The following MECOM variants were observed in gnomAD, a reference collection of about 807,000 sequenced individuals.
MECOM encodes MDS1 and EVI1 complex locus, also known as histone-lysine N-methyltransferase MECOM.
In MECOM, 13 loss-of-function variants were observed where a neutral mutation model predicts 116.3. The ratio of observed to expected loss-of-function variants is 0.11; its 90% confidence interval spans 0.07 to 0.18. The LOEUF (loss-of-function observed/expected upper bound fraction) is 0.18, where lower values mean the gene tolerates loss of function less well. Among genes scored for constraint, MECOM ranks in the 10% least tolerant of loss-of-function variants. The pLI, the probability that MECOM is intolerant of heterozygous loss-of-function variation, is 1.00. For synonymous variants in MECOM, 528 were observed against 535.2 expected, an observed-to-expected ratio of 0.99 and a Z score of 0.19; for missense variants, 1,299 against 1,509.0, an observed-to-expected ratio of 0.86 and a Z score of 2.31.
chr3:169,380,156 T>C (rs1046083021), intron 2 of MECOM, among the ~76,000 whole-genome samples: 2 of 152,160 alleles, frequency 1.3e-5, no homozygotes, highest in African/African-American at 4.8e-5. Flanking sequence ...ATTTAAAAGC[T>C]AACCAGATAT....
intron 10 of MECOM, among the ~76,000 whole-genome samples, chr3:169,105,970 T>C (rs1239221674): frequency 6.6e-6 from 1 of 152,160 alleles, no homozygotes; most frequent in Non-Finnish European, 1.5e-5. Context: ...TGGCAGCCAA[T>C]AATTGATGAC....
intron 2 of MECOM, among the ~76,000 whole-genome samples, chr3:169,290,787 C>T (rs185154095): frequency 1.4e-4 from 21 of 152,166 alleles, no homozygotes; most frequent in African/African-American, 4.1e-4. Context: ...AATCATTTCT[C>T]GAGTTGGGTT....
At chr3:169,282,864 T>C (rs1712399866) in intron 2 of MECOM, among the ~76,000 whole-genome samples, 1 of 151,072 alleles carries the variant, frequency 6.6e-6, no homozygotes, top group Non-Finnish European at 1.5e-5. Context: ...AAAATATGAG[T>C]GTATAACAGT....
intron 1 of MECOM, among the ~76,000 whole-genome samples, chr3:169,416,109 G>A (rs1297380804): frequency 7.2e-5 from 11 of 152,052 alleles, no homozygotes; most frequent in Admixed American, 4.6e-4. Context: ...TTCTAAAACC[G>A]ACCATATAAT....
chr3:169,445,064 A>G (rs149533973), intron 1 of MECOM, among the ~76,000 whole-genome samples: 7,245 of 152,348 alleles, frequency 0.048, 201 homozygotes, highest in South Asian at 0.066. Flanking sequence ...ATTCCATTTT[A>G]AAAGGTAAAC....
At chr3:169,136,775 A>C (rs960048357) in intron 3 of MECOM, among the ~76,000 whole-genome samples, 1 of 152,064 alleles carries the variant, frequency 6.6e-6, no homozygotes, top group Non-Finnish European at 1.5e-5. Flanking sequence ...TCTGCACACA[A>C]GGGGGAAAAT....
rs573566941 is a variant in MECOM, at chr3:169,180,031, AT to A, written c.376-36200del. 5.9e-5 allele frequency among the ~76,000 whole-genome samples: 9 copies of A among 152,192 alleles called. No individual in the cohort carries two copies. In the East Asian group the frequency reaches 1.4e-3, roughly 23 times the overall value. On this transcript the variant is annotated intron_variant, in intron 2 of 16. Transcript: ENST00000651503. ...ACAATGCAGATGAAGAAAAAAGACA[AT>A]TTTCAGCCAATTTGTTGATTTACTT...
At chr3:169,378,108 T>G (rs1459580298) in intron 2 of MECOM, among the ~76,000 whole-genome samples, 1 of 149,786 alleles carries the variant, frequency 6.7e-6, no homozygotes, top group Non-Finnish European at 1.5e-5. Flanking sequence ...CATTCATAAG[T>G]GGGAGTTGAA....
chr3:169,617,539 T>C (rs998348906), intron 1 of MECOM, among the ~76,000 whole-genome samples: 3 of 152,210 alleles, frequency 2.0e-5, no homozygotes, highest in African/African-American at 7.2e-5. Flanking sequence ...AGGTGTCTTC[T>C]TTCCTGCCAG....
chr3:169,105,413 A>G (rs1725052249), intron 10 of MECOM, among the ~76,000 whole-genome samples: 1 of 152,184 alleles, frequency 6.6e-6, no homozygotes. Flanking sequence ...ATGTTCCTCC[A>G]AAAGTAACAC....
chr3:169,571,284 G>C (rs1344189101), intron 1 of MECOM, among the ~76,000 whole-genome samples: 2 of 152,112 alleles, frequency 1.3e-5, no homozygotes, highest in East Asian at 1.9e-4. Flanking sequence ...CAATTTACAA[G>C]GGATGTGAAG....
chr3:169,454,921 G>A (rs1199268344), intron 1 of MECOM, among the ~76,000 whole-genome samples: 1 of 152,136 alleles, frequency 6.6e-6, no homozygotes, highest in African/African-American at 2.4e-5. Flanking sequence ...AATATTTAAT[G>A]CTTGCCAGTA....
At chr3:169,238,551 A>C (rs564578379) in intron 2 of MECOM, among the ~76,000 whole-genome samples, 1 of 152,306 alleles carries the variant, frequency 6.6e-6, no homozygotes, top group South Asian at 2.1e-4. Context: ...CATAAAACCA[A>C]ACCAAAAAAA....
At chr3:169,091,503 C>G (rs13090810) in intron 14 of MECOM, among the ~76,000 whole-genome samples, 22,025 of 151,994 alleles carry the variant, frequency 0.14, 2,135 homozygotes, top group Non-Finnish European at 0.2. Flanking sequence ...TTTTGTTCAA[C>G]AGTTCTTATT....
intron 2 of MECOM, among the ~76,000 whole-genome samples, chr3:169,379,871 G>C (rs898367953): frequency 6.6e-6 from 1 of 152,164 alleles, no homozygotes; most frequent in Non-Finnish European, 1.5e-5. Context: ...TCACATATCA[G>C]TTAATGCTAC....
At chr3:169,118,585 T>G (rs1240743880) in intron 7 of MECOM, among the ~76,000 whole-genome samples, 1 of 152,156 alleles carries the variant, frequency 6.6e-6, no homozygotes, top group East Asian at 1.9e-4. Context: ...TTATAAAAAG[T>G]AAGAAAGCAA....
Position 169,649,406 on chromosome 3 carries a change from T to A in MECOM, c.37+13930A>T, listed in dbSNP as rs1361855925. Among the ~76,000 whole-genome samples, 5 of 9,364 alleles carry A rather than the reference T, an allele frequency of 5.3e-4. No homozygotes were observed. In the African/African-American group the frequency reaches 7.9e-3, roughly 15 times the overall value. The allele number at this position is 9,364 out of a possible 152,430, so 6.1% of individuals were successfully genotyped here. On this transcript the variant is annotated intron_variant, in intron 1 of 16. Coordinates refer to ENST00000651503, the MANE Select transcript of MECOM (RefSeq NM_004991.4). Reference sequence around the variant, plus strand: ...CCTGGGCGGCAAGAGCGAAACTCCATCTCAAAAAAAAAAAAAAAAAAAATA... The same window carrying A: ...CCTGGGCGGCAAGAGCGAAACTCCAACTCAAAAAAAAAAAAAAAAAAAATA...
chr3:169,442,946 G>T (rs1743982304), intron 1 of MECOM, among the ~76,000 whole-genome samples: 3 of 152,052 alleles, frequency 2.0e-5, no homozygotes, highest in Admixed American at 2.0e-4. Context: ...CACTTCCACA[G>T]AACCTAGTCC....
intron 1 of MECOM, among the ~76,000 whole-genome samples, chr3:169,587,656 C>G (rs1299739238): frequency 2.0e-5 from 3 of 152,042 alleles, no homozygotes; most frequent in Non-Finnish European, 4.4e-5. Flanking sequence ...ATGCTAGAAC[C>G]TATAAAATAT....
Sources: gnomAD v4.1 joint callset for allele counts (sites outside exome capture counted in the v4.1 genomes callset) on GRCh38, gnomAD v4.1.1 for gene constraint, MANE v1.5 for transcripts, NCBI Gene and HGNC (gene_info 2026-07-23, HGNC 2026-07-21) for gene names.